Variants in USH2A observed in about 807,000 individuals in gnomAD.
The protein encoded by USH2A is Usher syndrome 2A (autosomal recessive, mild).
Under a neutral mutation model 538.9 loss-of-function variants are expected in USH2A, and 443 were observed. The ratio of observed to expected loss-of-function variants is 0.82; its 90% CI spans 0.76 to 0.89. The LOEUF is 0.89. USH2A is among the 40% of genes least tolerant of loss of function. The pLI, the probability that USH2A is intolerant of heterozygous loss-of-function variation, is 0.00. For synonymous variants in USH2A, 2,413 were observed against 2,273.5 expected (o/e 1.06, Z -1.75); for missense variants, 6,633 against 6,324.8 (o/e 1.05, Z -1.65).
chr1:216,245,479 G>GAGAGAGAA (rs1259822355), intron 13 of USH2A, among the ~76,000 whole-genome samples: 5 of 117,910 alleles, frequency 4.2e-5, no homozygotes, highest in African/African-American at 1.5e-4. Flanking sequence ...CTGAGAGAGA[G>GAGAGAGAA]AGAGAGAGAG....
intron 4 of USH2A, among the ~76,000 whole-genome samples, chr1:216,338,535 C>T (rs968143983): frequency 3.3e-5 from 5 of 151,344 alleles, no homozygotes; most frequent in African/African-American, 1.2e-4. Flanking sequence ...CTATCTGAAC[C>T]ATAAAAAGTA....
intron 38 of USH2A, among the ~76,000 whole-genome samples, chr1:215,914,214 T>A (rs935181017): frequency 3.3e-5 from 5 of 151,310 alleles, no homozygotes; most frequent in East Asian, 2.0e-4. Flanking sequence ...GCAACAGACT[T>A]TTTTTTTCTG....
At chr1:216,278,067 T>C (rs1460640543) in intron 11 of USH2A, among the ~76,000 whole-genome samples, 2 of 152,168 alleles carry the variant, frequency 1.3e-5, no homozygotes, top group Non-Finnish European at 2.9e-5. Context: ...TCACATTATC[T>C]TGCACTTACT....
intron 4 of USH2A, among the ~76,000 whole-genome samples, chr1:216,358,243 C>A (rs2038424341): frequency 6.6e-6 from 1 of 152,062 alleles, no homozygotes; most frequent in African/African-American, 2.4e-5. Context: ...AACAGAGAAC[C>A]AAGTCAAACC....
chr1:215,879,364 T>C (rs2102452284), intron 41 of USH2A, among the ~76,000 whole-genome samples: 1 of 152,304 alleles, frequency 6.6e-6, no homozygotes. Context: ...CCTTAGCGAT[T>C]CATCGCCACT....
At chr1:215,877,529 C>A (rs1664801836) in intron 43 of USH2A, among the ~76,000 whole-genome samples, 2 of 152,120 alleles carry the variant, frequency 1.3e-5, no homozygotes, top group Non-Finnish European at 2.9e-5. Context: ...GCTTGAACAT[C>A]TACAAGTTCA....
intron 9 of USH2A, among the ~76,000 whole-genome samples, chr1:216,307,368 C>T (rs999180280): frequency 2.0e-5 from 3 of 152,064 alleles, no homozygotes; most frequent in Non-Finnish European, 4.4e-5. Context: ...AGTGAAAGGC[C>T]TCACCCAGCT....
At chr1:216,155,458 C>T (rs185826651) in intron 21 of USH2A, among the ~76,000 whole-genome samples, 1 of 152,250 alleles carries the variant, frequency 6.6e-6, no homozygotes, top group Non-Finnish European at 1.5e-5. Context: ...ACTGATCCCA[C>T]CTGGACTAAT....
At chr1:216,391,779 G>A (rs569909327) in intron 3 of USH2A, among the ~76,000 whole-genome samples, 2 of 152,308 alleles carry the variant, frequency 1.3e-5, no homozygotes, top group Admixed American at 6.5e-5. Flanking sequence ...TTTCCCCTTG[G>A]GCGCTGTGAC....
At chr1:216,181,495 C>A (rs1488078399) in intron 20 of USH2A, among the ~76,000 whole-genome samples, 3 of 152,088 alleles carry the variant, frequency 2.0e-5, no homozygotes, top group Middle Eastern at 6.8e-3. Context: ...ATAAAGAAAA[C>A]CCTGCTTTTA....
intron 9 of USH2A, among the ~76,000 whole-genome samples, chr1:216,313,749 A>ATTCT (rs143512666): frequency 6.6e-6 from 1 of 151,704 alleles, no homozygotes; most frequent in African/African-American, 2.4e-5. Context: ...CTAAAAATGC[A>ATTCT]TTCTTTCTTT....
intron 40 of USH2A, among the ~76,000 whole-genome samples, chr1:215,896,480 T>C (rs1260306491): frequency 6.6e-6 from 1 of 152,204 alleles, no homozygotes; most frequent in East Asian, 1.9e-4. Context: ...TCTAACTTTT[T>C]TGGGCTGGGG....
At chr1:216,341,023 G>A (rs183910988) in intron 4 of USH2A, among the ~76,000 whole-genome samples, 2 of 151,984 alleles carry the variant, frequency 1.3e-5, no homozygotes, top group South Asian at 2.1e-4. Context: ...AGAAATAAAG[G>A]GTATTCAAAC....
Position 215,888,723 on chromosome 1 carries a change from T to A in USH2A, c.7926A>T (p.Ile2642=). 6.2e-7 allele frequency: 1 copy of A among 1,614,122 alleles called. No individual in the cohort carries two copies. Among genetic ancestry groups the A allele is most frequent in the Non-Finnish European group, 8.5e-7 (1 of 1,180,008 alleles). The part of the protein sequence containing the change: ...LFSDTPTSVI[I]SWQPPTHPNG... ...TGGGGTGGGTAGGGGGTTGCCAAGA[T>A]ATAATCACAGATGTTGGAGTATCAG... is the stretch of plus-strand genomic sequence containing the variant. Residue 2642 remains isoleucine (I), a synonymous_variant, in exon 41 of 72, where the codon ATA becomes ATT. Coordinates refer to ENST00000307340, the MANE Select transcript of USH2A (RefSeq NM_206933.4).
At chr1:216,360,040 C>T (rs917964723) in intron 4 of USH2A, among the ~76,000 whole-genome samples, 6 of 152,132 alleles carry the variant, frequency 3.9e-5, no homozygotes, top group South Asian at 2.1e-4. Context: ...TCTTACCATA[C>T]GATCCAGTAA....
intron 44 of USH2A, among the ~76,000 whole-genome samples, chr1:215,852,996 C>T (rs1355339107): frequency 6.6e-6 from 1 of 152,158 alleles, no homozygotes; most frequent in Non-Finnish European, 1.5e-5. Context: ...GGACAGTGGC[C>T]CTCTTCTTAC....
chr1:215,954,570 G>C (rs1219831128), intron 37 of USH2A, among the ~76,000 whole-genome samples: 2 of 113,692 alleles, frequency 1.8e-5, no homozygotes, highest in South Asian at 7.6e-4. Context: ...GTTGTGGGGT[G>C]GGGGGAGGGG....
At chr1:216,239,562 T>C (rs1053729800) in intron 13 of USH2A, among the ~76,000 whole-genome samples, 71 of 152,310 alleles carry the variant, frequency 4.7e-4, no homozygotes, top group African/African-American at 1.6e-3. Context: ...AGAGAGTTCA[T>C]GGACATTATA....
rs150328977 is a variant in USH2A, at chr1:216,286,323, A to G, written c.1971+2957T>C. Among the ~76,000 whole-genome samples, 754 of 152,086 alleles carry G rather than the reference A, an allele frequency of 5.0e-3. 7 individuals are homozygous for G. Among genetic ancestry groups the G allele is most frequent in the African/African-American group, 0.018 (735 of 41,476 alleles). On this transcript the variant is annotated intron_variant, in intron 11 of 71. Transcript: ENST00000307340. ...TCAAAAGGGGCTTTCCCTGTTCCTC[A>G]CTCGGCACTTCTCTCTTGCCTGCTG...
Sources: allele counts gnomAD v4.1 joint callset (sites outside exome capture counted in the v4.1 genomes callset), GRCh38; gene constraint gnomAD v4.1.1; transcripts MANE v1.5; gene names NCBI Gene and HGNC (gene_info 2026-07-23, HGNC 2026-07-21).